The following LARP1B variants were observed in gnomAD, a reference collection of about 807,000 sequenced individuals.
LARP1B encodes the protein la-related protein 1B.
A neutral mutation model predicts 114.2 loss-of-function variants in LARP1B; 76 were observed. The observed-to-expected ratio is 0.67, with a 90% CI of 0.55 to 0.81. The LOEUF is 0.81. LARP1B is among the 30% of genes least tolerant of loss of function. LARP1B has a pLI of 0.00. For missense variants in LARP1B, 1,014 were observed against 1,075.8 expected, an observed-to-expected ratio of 0.94 and a Z score of 0.80; for synonymous variants, 345 against 348.0, an observed-to-expected ratio of 0.99 and a Z score of 0.10.
In LARP1B at chr4:128,206,547, A is replaced by C; in HGVS notation, c.2419+10A>C. On this transcript the variant is annotated intron_variant, in intron 18 of 19. Coordinates refer to ENST00000326639, the MANE Select transcript of LARP1B (RefSeq NM_018078.4). ...AAAGACTACGAATCTGGTAACAATA[A>C]CATCAGAAAACTTGTACTCTAATTG... 6.3e-7 allele frequency: 1 copy of C among 1,595,688 alleles called. No individual in the cohort carries two copies. The highest frequency in any genetic ancestry group is 8.5e-7 in the Non-Finnish European group (1 of 1,170,438).
chr4:128,132,434 C>T (rs937366422), intron 11 of LARP1B, among the ~76,000 whole-genome samples: 15 of 152,080 alleles, frequency 9.9e-5, no homozygotes, highest in African/African-American at 2.4e-4. Flanking sequence ...TTGGTAGAGA[C>T]GGAATTTCAC....
chr4:128,066,042 G>T (rs1045941351), intron 1 of LARP1B, among the ~76,000 whole-genome samples: 6 of 151,290 alleles, frequency 4.0e-5, no homozygotes, highest in African/African-American at 1.5e-4. Flanking sequence ...CCCCTTTGTT[G>T]TCCAGGCTGG....
At chr4:128,123,037 T>C in intron 11 of LARP1B, 3 of 985,370 alleles carry the variant, frequency 3.0e-6, no homozygotes, top group Non-Finnish European at 2.4e-6. Context: ...CTGATCTTGG[T>C]TGGAAATAAA....
intron 11 of LARP1B, chr4:128,156,287 G>T: frequency 2.4e-6 from 2 of 846,172 alleles, no homozygotes; most frequent in South Asian, 3.2e-5. Context: ...GGCCTGGACA[G>T]TATCCCATAC....
intron 11 of LARP1B, among the ~76,000 whole-genome samples, chr4:128,135,321 GTGAAT>G: frequency 6.6e-6 from 1 of 152,238 alleles, no homozygotes; most frequent in South Asian, 2.1e-4. Flanking sequence ...GAACTCTCAT[GTGAAT>G]GTAAAATGGT....
intron 1 of LARP1B, among the ~76,000 whole-genome samples, chr4:128,065,839 A>T (rs907186424): frequency 1.3e-5 from 2 of 152,072 alleles, no homozygotes; most frequent in Non-Finnish European, 2.9e-5. Context: ...TTATTTAAAT[A>T]GGTAGATAGA....
At chr4:128,150,009 G>C (rs1005748745) in intron 11 of LARP1B, among the ~76,000 whole-genome samples, 2 of 152,154 alleles carry the variant, frequency 1.3e-5, no homozygotes, top group African/African-American at 4.8e-5. Flanking sequence ...AAATTAGCCA[G>C]GCATGGTGGT....
chr4:128,100,264 C>T (rs563370105), intron 8 of LARP1B, among the ~76,000 whole-genome samples: 2 of 151,732 alleles, frequency 1.3e-5, no homozygotes, highest in East Asian at 3.9e-4. Flanking sequence ...CGCGCCTGGC[C>T]TGATTGTGTT....
At chr4:128,147,275 G>T (rs926965777) in intron 11 of LARP1B, among the ~76,000 whole-genome samples, 1 of 152,092 alleles carries the variant, frequency 6.6e-6, no homozygotes. Flanking sequence ...TTCTAAGATC[G>T]CCTGGTTTCT....
chr4:128,158,072 T>C (rs1286116442), intron 11 of LARP1B, among the ~76,000 whole-genome samples: 1 of 152,160 alleles, frequency 6.6e-6, no homozygotes, highest in African/African-American at 2.4e-5. Context: ...ATTCAAGATA[T>C]AAAGATGGAT....
intron 6 of LARP1B, 42 bp from the exon 7 acceptor site, chr4:128,091,305 T>C: frequency 6.4e-7 from 1 of 1,555,510 alleles, no homozygotes. Context: ...ACTATTTTTT[T>C]CTAATATGTG....
intron 9 of LARP1B, chr4:128,107,554 T>G: frequency 7.3e-7 from 1 of 1,370,536 alleles, no homozygotes. Flanking sequence ...TATGTGTACT[T>G]TGTCATGTAT....
At chr4:128,112,706 T>G (rs1784535955) in intron 9 of LARP1B, among the ~76,000 whole-genome samples, 1 of 152,054 alleles carries the variant, frequency 6.6e-6, no homozygotes. Context: ...ACTCCTGACC[T>G]TAGGTGATCC....
intron 15 of LARP1B, among the ~76,000 whole-genome samples, chr4:128,179,890 G>T (rs1364510978): frequency 6.6e-6 from 1 of 151,906 alleles, no homozygotes; most frequent in Non-Finnish European, 1.5e-5. Context: ...TAAATAATAT[G>T]GAAACGAAGC....
At chr4:128,166,443 C>T (rs1231329532) in intron 12 of LARP1B, among the ~76,000 whole-genome samples, 1 of 151,776 alleles carries the variant, frequency 6.6e-6, no homozygotes, top group Admixed American at 6.6e-5. Context: ...TACAAATATC[C>T]AGTTATATTT....
At chr4:128,155,970 C>G in intron 11 of LARP1B, 1 of 1,533,078 alleles carries the variant, frequency 6.5e-7, no homozygotes, top group Non-Finnish European at 8.9e-7. Flanking sequence ...GCCCGCCAGC[C>G]CCCTGCCGCC....
At chr4:128,120,217 T>C (rs1160390630) in intron 10 of LARP1B, among the ~76,000 whole-genome samples, 1 of 152,148 alleles carries the variant, frequency 6.6e-6, no homozygotes, top group Non-Finnish European at 1.5e-5. Flanking sequence ...AGTTATCGAC[T>C]AAATGAATAT....
intron 7 of LARP1B, among the ~76,000 whole-genome samples, chr4:128,221,548 G>A (rs1381519300): frequency 2.6e-5 from 4 of 152,160 alleles, no homozygotes; most frequent in African/African-American, 9.7e-5. Flanking sequence ...AGAATCCGCT[G>A]CTATTGTTTT....
At chr4:128,109,582 A>C (rs931076400) in intron 9 of LARP1B, among the ~76,000 whole-genome samples, 2 of 152,082 alleles carry the variant, frequency 1.3e-5, no homozygotes, top group Non-Finnish European at 2.9e-5. Flanking sequence ...TTTACTATTA[A>C]CTCTTAAATG....
Sources: allele counts gnomAD v4.1 joint callset (sites outside exome capture counted in the v4.1 genomes callset), GRCh38; gene constraint gnomAD v4.1.1; transcripts MANE v1.5; gene names NCBI Gene and HGNC (gene_info 2026-07-23, HGNC 2026-07-21).